Variants in STX12 observed in about 807,000 individuals in gnomAD.
STX12 encodes the protein syntaxin-12.
A neutral mutation model predicts 42.2 loss-of-function variants in STX12; 17 were observed. The observed-to-expected ratio is 0.40, with a 90% CI of 0.28 to 0.60. The LOEUF is 0.60. Among genes scored for constraint, STX12 ranks in the 20% least tolerant of loss-of-function variants. STX12 has a pLI of 0.39. For missense variants in STX12, 297 were observed against 330.9 expected, an observed-to-expected ratio of 0.90 and a Z score of 0.79; for synonymous variants, 108 against 116.7, an observed-to-expected ratio of 0.93 and a Z score of 0.48.
Position 27,807,538 on chromosome 1 carries a change from T to C in STX12, c.427-2708T>C, listed in dbSNP as rs2088871599. Among the ~76,000 whole-genome samples the C allele has an allele frequency of 2.0e-5, 3 of 152,240 alleles. No homozygotes were observed. The South Asian group carries it at 6.2e-4, about 31-fold the overall frequency. On this transcript the variant is annotated intron_variant, in intron 4 of 8. Coordinates refer to ENST00000373943, the MANE Select transcript of STX12 (RefSeq NM_177424.3). ...CATGCCCACCAGGAGGGCAGAAGTT[T>C]AAAATTCTGTGAACACTGGGAGTTG...
intron 4 of STX12, among the ~76,000 whole-genome samples, chr1:27,805,059 C>G (rs2088854298): frequency 6.6e-6 from 1 of 152,072 alleles, no homozygotes; most frequent in African/African-American, 2.4e-5. Context: ...CAGTCACTAT[C>G]ACGAGAACAA....
At chr1:27,804,771 G>A (rs964928909) in intron 4 of STX12, among the ~76,000 whole-genome samples, 2 of 148,682 alleles carry the variant, frequency 1.3e-5, no homozygotes, top group African/African-American at 5.0e-5. Context: ...AGACCGCACC[G>A]CTGCACTCCA....
Position 27,822,378 on chromosome 1 carries a change from GT to G in STX12, c.*51del, listed in dbSNP as rs746434273. On this transcript the variant is annotated 3_prime_UTR_variant, in exon 9 of 9. Coordinates refer to ENST00000373943, the MANE Select transcript of STX12 (RefSeq NM_177424.3). Reference sequence around the variant, plus strand: ...GAGCTGTTTTCAAGGGCAAGTGCTTGTTGAAGTCTTGCCAGAACAAACTGAT... The same window carrying G: ...GAGCTGTTTTCAAGGGCAAGTGCTTGTGAAGTCTTGCCAGAACAAACTGAT... 1.6e-5 allele frequency: 20 copies of G among 1,212,146 alleles called. No homozygotes were observed. In the East Asian group the frequency reaches 4.6e-4, roughly 28 times the overall value. The allele number at this position is 1,212,146 out of a possible 1,614,324, so 75.1% of individuals were successfully genotyped here. A position where few individuals can be genotyped will look rare whatever the true frequency, so the allele number is the denominator to read the frequency against.
chr1:27,821,118 G>A (rs1380441322), intron 8 of STX12, among the ~76,000 whole-genome samples: 2 of 150,644 alleles, frequency 1.3e-5, no homozygotes, highest in Non-Finnish European at 2.9e-5. Context: ...GTATACATAT[G>A]TAACTAACCT....
chr1:27,796,896 G>T (rs963750872), intron 3 of STX12, among the ~76,000 whole-genome samples: 1 of 151,258 alleles, frequency 6.6e-6, no homozygotes, highest in African/African-American at 2.4e-5. Flanking sequence ...GTAGAGATGG[G>T]GTTTCTCCAT....
intron 4 of STX12, among the ~76,000 whole-genome samples, chr1:27,804,766 G>A (rs964513614): frequency 1.3e-5 from 2 of 150,638 alleles, no homozygotes; most frequent in Non-Finnish European, 2.9e-5. Context: ...AGCTGAGACC[G>A]CACCGCTGCA....
At chr1:27,802,596 A>T (rs868583215) in intron 4 of STX12, among the ~76,000 whole-genome samples, 1 of 152,214 alleles carries the variant, frequency 6.6e-6, no homozygotes. Context: ...TCCTACCTGA[A>T]TGGTTCAGTG....
chr1:27,813,692 C>G (rs1332469878), intron 6 of STX12, among the ~76,000 whole-genome samples: 1 of 152,032 alleles, frequency 6.6e-6, no homozygotes, highest in African/African-American at 2.4e-5. Flanking sequence ...CACTAATTAC[C>G]TGATGGGATA....
At chr1:27,817,766 A>T in intron 6 of STX12, 85 bp from the exon 7 acceptor site, 2 of 1,182,918 alleles carry the variant, frequency 1.7e-6, no homozygotes, top group Non-Finnish European at 2.5e-6. Context: ...CACACGTGTT[A>T]ATAGCTAAAA....
rs1378557580 is a variant in STX12 at position 27,801,824 on chromosome 1, A to T, written c.426+9A>T. On this transcript the variant is annotated intron_variant, in intron 4 of 8. Transcript: ENST00000373943. ...CTGGATCTCGTCTTTCTGTAAGTTG[A>T]TTCCCAAAAGAAGACCTTTGCAATA... The T allele has an allele frequency of 3.8e-6, 6 of 1,572,868 alleles. No individual in the cohort carries two copies. In the Admixed American group the frequency reaches 1.2e-4, roughly 33 times the overall value.
At chr1:27,801,507 C>T (rs1199356513) in intron 3 of STX12, among the ~76,000 whole-genome samples, 171 bp from the exon 4 acceptor site, 3 of 151,808 alleles carry the variant, frequency 2.0e-5, no homozygotes, top group Non-Finnish European at 4.4e-5. Context: ...TAGTATTAAC[C>T]AGGGACTTGA....
At chr1:27,798,780 CAAAAAAAAAA>C (rs61253983) in intron 3 of STX12, among the ~76,000 whole-genome samples, 2 of 54,524 alleles carry the variant, frequency 3.7e-5, no homozygotes, top group African/African-American at 6.3e-5. Flanking sequence ...GACTCCGTCT[CAAAAAAAAAA>C]AAAAAAAAAA....
chr1:27,794,084 T>C (rs531723696), intron 3 of STX12, among the ~76,000 whole-genome samples: 9 of 151,956 alleles, frequency 5.9e-5, no homozygotes, highest in Non-Finnish European at 1.3e-4. Flanking sequence ...GAGCGCAGTG[T>C]TGAAATCATA....
chr1:27,780,086 C>T (rs1420378843), intron 1 of STX12, among the ~76,000 whole-genome samples: 2 of 151,778 alleles, frequency 1.3e-5, no homozygotes. Flanking sequence ...TCACTGCGTC[C>T]GCCCTTTGGT....
At chr1:27,790,100 A>G (rs1411114431) in intron 2 of STX12, among the ~76,000 whole-genome samples, 1 of 152,238 alleles carries the variant, frequency 6.6e-6, no homozygotes, top group Non-Finnish European at 1.5e-5. Flanking sequence ...CTGAAGATGT[A>G]CAGACTTTTT....
intron 7 of STX12, 104 bp from the exon 8 acceptor site, chr1:27,819,546 G>A: frequency 1.1e-6 from 1 of 889,400 alleles, no homozygotes; most frequent in Non-Finnish European, 1.7e-6. Flanking sequence ...GGATAGTTTG[G>A]ATAGTGGTAG....
chr1:27,804,698 C>T (rs750777292), intron 4 of STX12, among the ~76,000 whole-genome samples: 93 of 151,828 alleles, frequency 6.1e-4, no homozygotes, highest in Admixed American at 8.5e-4. Flanking sequence ...ATAATCCCAG[C>T]TACTCAGGAC....
intron 1 of STX12, among the ~76,000 whole-genome samples, chr1:27,783,033 G>T (rs2088678705): frequency 6.6e-6 from 1 of 152,036 alleles, no homozygotes; most frequent in Non-Finnish European, 1.5e-5. Context: ...TAGAGCATTC[G>T]ATCCTGTCAA....
chr1:27,792,879 A>G (rs2088758643), intron 2 of STX12, among the ~76,000 whole-genome samples: 1 of 152,240 alleles, frequency 6.6e-6, no homozygotes, highest in African/African-American at 2.4e-5. Context: ...TCCACTTAAT[A>G]TACTACATAT....
Sources: allele counts gnomAD v4.1 joint callset (sites outside exome capture counted in the v4.1 genomes callset), GRCh38; gene constraint gnomAD v4.1.1; transcripts MANE v1.5; gene names NCBI Gene and HGNC (gene_info 2026-07-23, HGNC 2026-07-21).